The following CUBN variants were observed in gnomAD, a reference collection of about 807,000 sequenced individuals.
CUBN encodes the protein cubilin, also known as 460 kDa receptor.
A neutral mutation model predicts 405.3 loss-of-function variants in CUBN; 282 were observed. The observed-to-expected ratio is 0.70, with a 90% CI of 0.63 to 0.77. The LOEUF (loss-of-function observed/expected upper bound fraction) is 0.77, where lower values mean the gene tolerates loss of function less well. CUBN is among the 30% of genes least tolerant of loss of function. The pLI, the probability that CUBN is intolerant of heterozygous loss-of-function variation, is 0.00. For synonymous variants in CUBN, 1,684 were observed against 1,617.0 expected (o/e 1.04, Z -0.99); for missense variants, 4,514 against 4,475.2 (o/e 1.01, Z -0.25).
At chr10:16,914,136 T>C in intron 47 of CUBN, 144 bp from the exon 48 acceptor site, 8 of 876,648 alleles carry the variant, frequency 9.1e-6, no homozygotes, top group Non-Finnish European at 7.2e-6. Context: ...ATGAGGATTT[T>C]AGTGAACATA....
At chr10:16,993,771 C>T (rs1833657816) in intron 28 of CUBN, among the ~76,000 whole-genome samples, 1 of 151,558 alleles carries the variant, frequency 6.6e-6, no homozygotes, top group Admixed American at 6.6e-5. Context: ...TCCCAAAGTG[C>T]TGGGATTACA....
chr10:17,047,417 A>G lies in CUBN; in HGVS notation c.3326T>C (p.Ile1109Thr). 6.2e-7 allele frequency: 1 copy of G among 1,608,756 alleles called. No individual in the cohort carries two copies. Among genetic ancestry groups the G allele is most frequent in the Non-Finnish European group, 8.5e-7 (1 of 1,175,342 alleles). Residue 1109 changes from isoleucine to threonine, a missense_variant, in exon 23 of 67, where the codon ATC becomes ACC. By Grantham distance (89) the Ile-to-Thr change is moderately conservative. This residue lies in a region of CUBN where 1,448 missense variants were observed against 1,388.0 expected (regional missense o/e 1.04). Coordinates refer to ENST00000377833, the MANE Select transcript of CUBN (RefSeq NM_001081.4). ...IGNYYTDFLE[I>T]RDGGYEKSPL... ...TGAAATAAATAAAAGTGCTGACCTG[A>G]TTTCCAGAAAATCTGTATAATAGTT...
chr10:16,937,313 T>A (rs183837483), intron 39 of CUBN, among the ~76,000 whole-genome samples: 2 of 152,288 alleles, frequency 1.3e-5, no homozygotes, highest in East Asian at 3.9e-4. Context: ...TTTCAGGGAT[T>A]TCTAAAGTGG....
intron 45 of CUBN, among the ~76,000 whole-genome samples, chr10:16,917,971 T>C (rs1288073267): frequency 9.2e-5 from 14 of 152,172 alleles, no homozygotes; most frequent in Admixed American, 3.9e-4. Context: ...TTTTTGTATA[T>C]GATATAAGGA....
chr10:17,043,982 A>G lies in CUBN; in HGVS notation c.3674T>C (p.Val1225Ala), dbSNP rs780205999. 108 of 1,612,074 alleles carry G rather than the reference A, an allele frequency of 6.7e-5. No homozygotes were observed. The highest frequency in any genetic ancestry group is 8.7e-5 in the Non-Finnish European group (102 of 1,178,818). The change falls in exon 26 of 67, where the codon GTA becomes GCA. Residue 1225 changes from valine to alanine, a missense_variant and splice_region_variant. Transcript: ENST00000377833. ...AGAGTTGCTACTTGGGCCATCATATACCTTTAAGAAAATATTTTGAATGTT... is the reference window on the plus strand; with the variant it reads ...AGAGTTGCTACTTGGGCCATCATATGCCTTTAAGAAAATATTTTGAATGTT... Reference protein sequence around the residue: ...HPNCTLDYLAVYDGPSSNSHL... With the variant: ...HPNCTLDYLAAYDGPSSNSHL...
chr10:16,896,779 T>A (rs1841195546), intron 54 of CUBN, among the ~76,000 whole-genome samples: 2 of 152,234 alleles, frequency 1.3e-5, no homozygotes, highest in African/African-American at 4.8e-5. Context: ...CCTCTCCCTT[T>A]GAGAGAATGT....
In CUBN at chr10:16,829,145, C is replaced by T. The variant is rs912393242; in HGVS notation, c.10529-105G>A. 7.4e-6 allele frequency: 6 copies of T among 812,012 alleles called. No homozygotes were observed. In the African/African-American group the frequency reaches 8.5e-5, roughly 12 times the overall value. 50.3% of individuals were successfully genotyped at this position (812,012 alleles called of 1,614,324 possible). On this transcript the variant is annotated intron_variant, in intron 65 of 66. Coordinates refer to ENST00000377833, the MANE Select transcript of CUBN (RefSeq NM_001081.4). ...ATTTTCTTAAGGTGCTGAGACTCTG[C>T]AAGAATAATGGAGGCAGAAATCCCT...
chr10:17,059,208 C>T (rs1240979081), intron 22 of CUBN, among the ~76,000 whole-genome samples: 1 of 152,024 alleles, frequency 6.6e-6, no homozygotes, highest in South Asian at 2.1e-4. Flanking sequence ...TTTTCTAAAA[C>T]TCACAATGTA....
intron 10 of CUBN, among the ~76,000 whole-genome samples, chr10:17,107,239 T>C (rs1836656001): frequency 6.6e-6 from 1 of 152,220 alleles, no homozygotes; most frequent in Non-Finnish European, 1.5e-5. Flanking sequence ...TTACTAAATT[T>C]AATATCCAGA....
At chr10:16,932,720 A>G (rs908011702) in intron 40 of CUBN, among the ~76,000 whole-genome samples, 7 of 152,202 alleles carry the variant, frequency 4.6e-5, no homozygotes, top group Non-Finnish European at 8.8e-5. Flanking sequence ...CACTATGTCC[A>G]GTCACATTAC....
chr10:17,046,413 A>G (rs1835133167), intron 23 of CUBN, among the ~76,000 whole-genome samples: 1 of 152,216 alleles, frequency 6.6e-6, no homozygotes, highest in Non-Finnish European at 1.5e-5. Flanking sequence ...AGAAAACACG[A>G]TAAAGAAACT....
chr10:16,889,942 A>AAAAAAAAAAAAAAAAACAAAAAAACAAAC (rs1554788548), intron 55 of CUBN, among the ~76,000 whole-genome samples: 1 of 136,222 alleles, frequency 7.3e-6, no homozygotes, highest in African/African-American at 2.9e-5. Flanking sequence ...TGTCAAAAAA[A>AAAAAAAAAAAAAAAAACAAAAAAACAAAC]AAAAAAAAAA....
At chr10:17,064,409 A>G (rs553839786) in intron 22 of CUBN, among the ~76,000 whole-genome samples, 4 of 152,296 alleles carry the variant, frequency 2.6e-5, no homozygotes, top group African/African-American at 9.6e-5. Context: ...AAAGATAAGC[A>G]TCTGGGGTTC....
At chr10:16,964,724 C>A (rs1317018528) in intron 31 of CUBN, among the ~76,000 whole-genome samples, 3 of 152,188 alleles carry the variant, frequency 2.0e-5, no homozygotes, top group Admixed American at 1.3e-4. Flanking sequence ...CACTGCAGCA[C>A]CCAAGCCAGA....
chr10:16,844,725 T>C (rs1183369765), intron 60 of CUBN, among the ~76,000 whole-genome samples: 1 of 152,170 alleles, frequency 6.6e-6, no homozygotes, highest in East Asian at 1.9e-4. Flanking sequence ...CTCCTCTGCC[T>C]CAAACCCAAG....
At chr10:16,856,147 A>G (rs1839863636) in intron 59 of CUBN, among the ~76,000 whole-genome samples, 1 of 152,162 alleles carries the variant, frequency 6.6e-6, no homozygotes, top group South Asian at 2.1e-4. Context: ...ATATTTTGAA[A>G]TTGCATTTTT....
At chr10:17,123,496 C>T in intron 5 of CUBN, 92 bp downstream of exon 5, 1 of 1,014,236 alleles carries the variant, frequency 9.9e-7, no homozygotes, top group East Asian at 2.5e-5. Flanking sequence ...ATCCTAGAAA[C>T]TTTAGATGGA....
Position 16,869,707 on chromosome 10 carries a change from A to G in CUBN, c.9383T>C (p.Met3128Thr). The change falls in exon 59 of 67, where the codon ATG becomes ACG. Residue 3128 changes from methionine (M) to threonine (T), a missense_variant. Physicochemically the swap from Met to Thr is moderately conservative, Grantham distance 81. This residue lies in a region of CUBN where 1,186 missense variants were observed against 1,186.9 expected (regional missense o/e 1.00). Coordinates refer to ENST00000377833, the MANE Select transcript of CUBN (RefSeq NM_001081.4). ...PPNVKSSNNS[M>T]LLVFKTDSFQ... ...TGAATCTGTCTTGAACACCAGGAGC[A>G]TACTATTATTGCTGCTCTTCACATT... 1 of 1,614,148 alleles carries G rather than the reference A, an allele frequency of 6.2e-7. No homozygotes were observed. The highest frequency in any genetic ancestry group is 8.5e-7 in the Non-Finnish European group (1 of 1,180,000).
At chr10:17,126,733 T>G (rs370034785) in intron 4 of CUBN, 28 bp downstream of exon 4, 1 of 1,610,944 alleles carries the variant, frequency 6.2e-7, no homozygotes, top group Non-Finnish European at 8.5e-7. Context: ...CTGTGAAAGA[T>G]TTGGGTATGT....
Sources: gnomAD v4.1 joint callset for allele counts (sites outside exome capture counted in the v4.1 genomes callset) on GRCh38, gnomAD v4.1.1 for gene constraint, gnomAD v4.1.1 regional missense constraint, MANE v1.5 for transcripts, NCBI Gene and HGNC (gene_info 2026-07-23, HGNC 2026-07-21) for gene names.